EDN3: variants seen among roughly 807,000 people sequenced by gnomAD.
The protein encoded by EDN3 is endothelin-3.
EDN3 carries 9 observed loss-of-function variants against 21.4 expected under a neutral mutation model. That is an observed-to-expected ratio of 0.42 (90% CI 0.25 to 0.73). The LOEUF (loss-of-function observed/expected upper bound fraction) is 0.73. EDN3 is among the 30% of genes least tolerant of loss of function. The pLI is 0.26. For synonymous variants in EDN3, 133 were observed against 126.2 expected (o/e 1.05, Z -0.36); for missense variants, 327 against 309.4 (o/e 1.06, Z -0.43).
intron 2 of EDN3, among the ~76,000 whole-genome samples, chr20:59,318,792 C>T (rs1382769587): frequency 6.6e-6 from 1 of 152,214 alleles, no homozygotes; most frequent in Admixed American, 6.5e-5. Flanking sequence ...AGTGTTTTGG[C>T]TCAAGTTGAG....
At chr20:59,307,245 G>T (rs1989494599) in intron 2 of EDN3, among the ~76,000 whole-genome samples, 2 of 152,232 alleles carry the variant, frequency 1.3e-5, no homozygotes, top group African/African-American at 4.8e-5. Context: ...TGCCATCATG[G>T]TTTTGGAAAG....
In EDN3 at chr20:59,322,603, C is replaced by T. The variant is rs918795971; in HGVS notation, c.588+186C>T. On this transcript the variant is annotated intron_variant, in intron 4 of 4. Transcript: ENST00000337938. This position sits in a 1 kb window ranked among gnomAD's most constrained non-coding sequence, Gnocchi z 4.1. Reference sequence around the variant, plus strand: ...TGGTGGACCGTTTCTGGGGGCAGAGCGGGCTGAAGCTGTGGACAGCTGCTG... The same window carrying T: ...TGGTGGACCGTTTCTGGGGGCAGAGTGGGCTGAAGCTGTGGACAGCTGCTG... 3.7e-6 allele frequency: 3 copies of T among 815,798 alleles called. No individual in the cohort carries two copies. Among genetic ancestry groups the T allele is most frequent in the East Asian group, 2.7e-5 (1 of 37,432 alleles). 50.5% of individuals were successfully genotyped at this position (815,798 alleles called of 1,614,324 possible).
chr20:59,320,961 G>A (rs11570340), intron 2 of EDN3, 56 bp from the exon 3 acceptor site: 21 of 1,604,152 alleles, frequency 1.3e-5, no homozygotes, highest in Non-Finnish European at 1.7e-5. Context: ...ACCCTTGGGG[G>A]CCCCTGAGCA....
rs760290378 is a variant in EDN3 at position 59,301,547 on chromosome 20, G to A, written c.190G>A (p.Gly64Arg). ...GGAGACTGTGGCTGGCCCTGGCGAG[G>A]GGACTGTGGCCCCGACAGCACTGCA... ...GEETVAGPGE[G>R]TVAPTALQGP... The change falls in exon 2 of 5, where the codon GGG (glycine) becomes AGG (arginine). Residue 64 changes from glycine (G) to arginine (R), a missense_variant. Transcript: ENST00000337938. 9.9e-6 allele frequency: 16 copies of A among 1,613,474 alleles called. No homozygotes were observed. In the South Asian group the frequency reaches 1.4e-4, roughly 14 times the overall value.
At position 59,322,365 on chromosome 20, in the gene EDN3, C is replaced by T. The variant is rs886056874; in HGVS notation, c.543-7C>T. On this transcript the variant is annotated splice_polypyrimidine_tract_variant and splice_region_variant and intron_variant, in intron 3 of 4. Coordinates refer to ENST00000337938, the MANE Select transcript of EDN3 (RefSeq NM_207034.3). The surrounding 1 kb of genome is among the most constrained non-coding windows in gnomAD (Gnocchi z 4.1). ...TTGATTGATTAAAACCAGCTCTCTC[C>T]CCACAGTAATTCAAGGACGGCAGAA... 6.2e-7 allele frequency: 1 copy of T among 1,614,048 alleles called. No homozygotes were observed. The highest frequency in any genetic ancestry group is 8.5e-7 in the Non-Finnish European group (1 of 1,180,050).
In EDN3 at chr20:59,322,582, G is replaced by T. The variant is rs529367146; in HGVS notation, c.588+165G>T. 5 of 966,304 alleles carry T rather than the reference G, an allele frequency of 5.2e-6. No individual in the cohort carries two copies. The East Asian group carries it at 1.3e-4, about 25-fold the overall frequency. The allele number at this position is 966,304 out of a possible 1,614,324, so 59.9% of individuals were successfully genotyped here. A position where few individuals can be genotyped will look rare whatever the true frequency, so the allele number is the denominator to read the frequency against. On this transcript the variant is annotated intron_variant, in intron 4 of 4. Coordinates refer to ENST00000337938, the MANE Select transcript of EDN3 (RefSeq NM_207034.3). This position sits in a 1 kb window ranked among gnomAD's most constrained non-coding sequence, Gnocchi z 4.1. ...ACCCACAAGCAATGGTGCCTTTGGT[G>T]GACCGTTTCTGGGGGCAGAGCGGGC...
At chr20:59,309,938 T>C (rs1600731925) in intron 2 of EDN3, among the ~76,000 whole-genome samples, 1 of 152,276 alleles carries the variant, frequency 6.6e-6, no homozygotes, top group African/African-American at 2.4e-5. Context: ...GCAGTTTGAT[T>C]TGTAGCAAGA....
chr20:59,321,254 G>A, intron 3 of EDN3, 61 bp downstream of exon 3: 2 of 1,572,478 alleles, frequency 1.3e-6, no homozygotes, highest in Non-Finnish European at 1.7e-6. Context: ...GGCAAGGCCA[G>A]GCCAGGGGCT....
At chr20:59,307,664 G>A (rs554008796) in intron 2 of EDN3, among the ~76,000 whole-genome samples, 7 of 152,232 alleles carry the variant, frequency 4.6e-5, no homozygotes, top group Admixed American at 1.3e-4. Flanking sequence ...TTCCCCATCC[G>A]TGACTGATTA....
Position 59,322,236 on chromosome 20 carries a change from CTGTG to C in EDN3, c.543-135_543-132del, listed in dbSNP as rs1478325786. On this transcript the variant is annotated intron_variant, in intron 3 of 4. Coordinates refer to ENST00000337938, the MANE Select transcript of EDN3 (RefSeq NM_207034.3). The surrounding 1 kb of genome is among the most constrained non-coding windows in gnomAD (Gnocchi z 4.1). Reference sequence around the variant, plus strand: ...CCACCGAGTGCTCAGCCTTCAGAAACTGTGCCTGAGACGCAGTCCTTGGGGAACG... The same window carrying C: ...CCACCGAGTGCTCAGCCTTCAGAAACCCTGAGACGCAGTCCTTGGGGAACG... The C allele has an allele frequency of 2.3e-4, 211 of 930,268 alleles. 4 individuals are homozygous for C. In the South Asian group the frequency reaches 2.3e-3, roughly 10 times the overall value. The allele number at this position is 930,268 out of a possible 1,614,324, so 57.6% of individuals were successfully genotyped here. A position where few individuals can be genotyped will look rare whatever the true frequency, so the allele number is the denominator to read the frequency against.
At position 59,321,118 on chromosome 20, in the gene EDN3, A is replaced by T; in HGVS notation, c.467A>T (p.His156Leu). Residue 156 changes from histidine to leucine, a missense_variant, in exon 3 of 5, where the codon CAC becomes CTC. Transcript: ENST00000337938. ...AATCTGCAGCTCTCACATCGGCCACACTTGCGCTGCGCTTGTGTGGGGAGA... is the reference window on the plus strand; with the variant it reads ...AATCTGCAGCTCTCACATCGGCCACTCTTGCGCTGCGCTTGTGTGGGGAGA... ...PGNLQLSHRP[H>L]LRCACVGRYD... 1.2e-6 allele frequency: 2 copies of T among 1,614,202 alleles called. No individual in the cohort carries two copies. Among genetic ancestry groups the T allele is most frequent in the Non-Finnish European group, 1.7e-6 (2 of 1,180,030 alleles).
intron 2 of EDN3, among the ~76,000 whole-genome samples, chr20:59,309,619 C>T (rs1421458259): frequency 6.6e-6 from 1 of 152,168 alleles, no homozygotes; most frequent in Non-Finnish European, 1.5e-5. Context: ...TTTCCCCTCA[C>T]ATAACCATTT....
At chr20:59,303,374 C>T (rs1464219197) in intron 2 of EDN3, among the ~76,000 whole-genome samples, 1 of 152,182 alleles carries the variant, frequency 6.6e-6, no homozygotes, top group Non-Finnish European at 1.5e-5. Context: ...GCCCCTGCAC[C>T]TTGGCACTGC....
intron 2 of EDN3, among the ~76,000 whole-genome samples, chr20:59,303,882 G>A (rs3026603): frequency 0.031 from 4,706 of 151,940 alleles, 97 homozygotes; most frequent in Middle Eastern, 0.086. Flanking sequence ...GATGAAAGAA[G>A]GATTAAATCT....
intron 2 of EDN3, among the ~76,000 whole-genome samples, chr20:59,302,050 T>A (rs948631484): frequency 6.6e-6 from 1 of 152,112 alleles, no homozygotes; most frequent in Non-Finnish European, 1.5e-5. Context: ...TTTTCTGAGA[T>A]AGAGAAAGCC....
chr20:59,303,377 G>A (rs1989180368), intron 2 of EDN3, among the ~76,000 whole-genome samples: 1 of 152,176 alleles, frequency 6.6e-6, no homozygotes, highest in South Asian at 2.1e-4. Context: ...CCTGCACCTT[G>A]GCACTGCCCT....
rs1990748294 is a variant in EDN3, at chr20:59,324,750, A to C, written c.*291A>C. 1 of 476,452 alleles carries C rather than the reference A, an allele frequency of 2.1e-6. No individual in the cohort carries two copies. The highest frequency in any genetic ancestry group is 3.8e-6 in the Non-Finnish European group (1 of 259,942). 29.5% of individuals were successfully genotyped at this position (476,452 alleles called of 1,614,324 possible). ...GAGAGTTTTGGCAAGTTGGAAAGCC[A>C]CTTACTGGCTTTTGACATGACTTCT... is the stretch of plus-strand genomic sequence containing the variant. On this transcript the variant is annotated 3_prime_UTR_variant, in exon 5 of 5. Coordinates refer to ENST00000337938, the MANE Select transcript of EDN3 (RefSeq NM_207034.3).
intron 2 of EDN3, among the ~76,000 whole-genome samples, chr20:59,314,016 C>T (rs972300020): frequency 5.3e-5 from 8 of 152,142 alleles, no homozygotes; most frequent in African/African-American, 9.7e-5. Context: ...GTCAAATGAG[C>T]GTCCGGGGGT....
intron 2 of EDN3, among the ~76,000 whole-genome samples, chr20:59,310,399 G>C (rs183497584): frequency 6.6e-6 from 1 of 152,330 alleles, no homozygotes; most frequent in Non-Finnish European, 1.5e-5. Flanking sequence ...GCAGAGCATG[G>C]CTGAGTACAG....
Sources: allele counts gnomAD v4.1 joint callset (sites outside exome capture counted in the v4.1 genomes callset), GRCh38; gene constraint gnomAD v4.1.1; non-coding constraint Gnocchi (gnomAD v3.1); transcripts MANE v1.5; gene names NCBI Gene and HGNC (gene_info 2026-07-23, HGNC 2026-07-21).